The following ZNF766 variants were observed in gnomAD, a reference collection of about 807,000 sequenced individuals.
ZNF766 encodes the protein zinc finger protein 766.
A neutral mutation model predicts 13.2 loss-of-function variants in ZNF766; 13 were observed. The observed-to-expected ratio is 0.98, with a 90% confidence interval of 0.64 to 1.56. The LOEUF (loss-of-function observed/expected upper bound fraction) is 1.56. Among genes scored for constraint, ZNF766 ranks in the 40% most tolerant of loss-of-function variants. ZNF766 has a pLI of 0.00. For missense variants in ZNF766, 521 were observed against 552.2 expected, an observed-to-expected ratio of 0.94 and a Z score of 0.57; for synonymous variants, 178 against 187.6, an observed-to-expected ratio of 0.95 and a Z score of 0.42.
rs71254004 is a variant in ZNF766 at position 52,286,188 on chromosome 19, T to TCCCCCCCC, written c.274+2781_274+2782insCCCCCCCC. On this transcript the variant is annotated intron_variant, in intron 3 of 3. Transcript: ENST00000439461. ...GAAAGAAAGAATCCAAGTGGGCTTTTCCCCCCTAATTATAAAGGAAAAGCC... is the reference window on the plus strand; with the variant it reads ...GAAAGAAAGAATCCAAGTGGGCTTTTCCCCCCCCCCCCCCTAATTATAAAGGAAAAGCC... 2.3e-4 allele frequency among the ~76,000 whole-genome samples: 33 copies of TCCCCCCCC among 146,566 alleles called. 1 individual carries two copies. The East Asian group carries it at 3.6e-3, about 16-fold the overall frequency.
intron 1 of ZNF766, among the ~76,000 whole-genome samples, chr19:52,277,865 C>T (rs1981289963): frequency 6.6e-6 from 1 of 152,068 alleles, no homozygotes. Context: ...GATGCTCTGT[C>T]AGCTCTCTGT....
In ZNF766 at chr19:52,278,069, C is replaced by T. The variant is rs926817705; in HGVS notation, c.19-4042C>T. 2.0e-5 allele frequency among the ~76,000 whole-genome samples: 3 copies of T among 150,618 alleles called. No individual in the cohort carries two copies. The East Asian group carries it at 5.9e-4, about 30-fold the overall frequency. ...CTCACTGCAACCTCTACCTCCCAGGCTCAAGCAGTCCTCCCACCTCAGCCT... is the reference window on the plus strand; with the variant it reads ...CTCACTGCAACCTCTACCTCCCAGGTTCAAGCAGTCCTCCCACCTCAGCCT... On this transcript the variant is annotated intron_variant, in intron 1 of 3. Transcript: ENST00000439461.
chr19:52,276,756 C>T (rs1468327653), intron 1 of ZNF766, among the ~76,000 whole-genome samples: 1 of 152,176 alleles, frequency 6.6e-6, no homozygotes, highest in South Asian at 2.1e-4. Context: ...AGGGATTTTA[C>T]TGTATTCTGT....
rs143895258 is a variant in ZNF766 at position 52,293,620 on chromosome 19, TTTTG to T, written c.*2430_*2433del. Reference sequence around the variant, plus strand: ...ATTCTCTCTACTCTTTGTTTTTGTTTTTTGTTTGTTTTGTTTTGTTTTGAGATGG... The same window carrying T: ...ATTCTCTCTACTCTTTGTTTTTGTTTTTTGTTTTGTTTTGTTTTGAGATGG... On this transcript the variant is annotated 3_prime_UTR_variant, in exon 4 of 4. Transcript: ENST00000439461. 34,365 of 152,836 alleles carry T rather than the reference TTTTG, an allele frequency of 0.22. 4,064 individuals are homozygous for T. Among genetic ancestry groups the T allele is most frequent in the East Asian group, 0.41 (2,120 of 5,194 alleles). 9.5% of individuals were successfully genotyped at this position (152,836 alleles called of 1,614,324 possible).
In ZNF766 at chr19:52,290,285, G is replaced by A; in HGVS notation, c.494G>A (p.Arg165Lys). The A allele has an allele frequency of 1.2e-6, 2 of 1,613,764 alleles. No individual in the cohort carries two copies. Among genetic ancestry groups the A allele is most frequent in the South Asian group, 2.2e-5 (2 of 91,036 alleles). ...AAAACCCACATATTTAATAAACATA[G>A]GAATGATTTTGTTGATTTTCCATTG... ...GVKTHIFNKHRNDFVDFPLLS... is the reference protein window; with the variant it reads ...GVKTHIFNKHKNDFVDFPLLS... The change falls in exon 4 of 4, where the codon AGG becomes AAG. Residue 165 changes from arginine (R) to lysine (K), a missense_variant. Arg to Lys is a conservative substitution (Grantham distance 26). Coordinates refer to ENST00000439461, the MANE Select transcript of ZNF766 (RefSeq NM_001010851.3).
At position 52,277,587 on chromosome 19, in the gene ZNF766, T is replaced by C. The variant is rs915214489; in HGVS notation, c.19-4524T>C. ...GATTGTTCTGTTTCTTATTTCTTCC[T>C]GAAATGCCGGGTGCTGGAGTTGAGA... On this transcript the variant is annotated intron_variant, in intron 1 of 3. Transcript: ENST00000439461. 7 of 1,532,584 alleles carry C rather than the reference T, an allele frequency of 4.6e-6. No homozygotes were observed. In the African/African-American group the frequency reaches 9.6e-5, roughly 21 times the overall value. The allele number at this position is 1,532,584 out of a possible 1,614,324, so 94.9% of individuals were successfully genotyped here. A position where few individuals can be genotyped will look rare whatever the true frequency, so the allele number is the denominator to read the frequency against.
At chr19:52,269,832 G>T (rs985207644) in intron 1 of ZNF766, among the ~76,000 whole-genome samples, 1 of 152,182 alleles carries the variant, frequency 6.6e-6, no homozygotes, top group Non-Finnish European at 1.5e-5. Flanking sequence ...GGCTGCGTAG[G>T]CAGCTGCTTT....
chr19:52,272,061 A>G (rs1356066149), intron 1 of ZNF766, among the ~76,000 whole-genome samples: 1 of 151,360 alleles, frequency 6.6e-6, no homozygotes, highest in Non-Finnish European at 1.5e-5. Flanking sequence ...AAAATATTCT[A>G]TTAATTACAT....
chr19:52,294,873 A>G lies in ZNF766; in HGVS notation c.*3675A>G, dbSNP rs557841453. The G allele has an allele frequency of 2.6e-5, 4 of 152,154 alleles. No individual in the cohort carries two copies. Among genetic ancestry groups the G allele is most frequent in the African/African-American group, 7.2e-5 (3 of 41,546 alleles). The allele number at this position is 152,154 out of a possible 1,614,324, so 9.4% of individuals were successfully genotyped here. Reference sequence around the variant, plus strand: ...TTGAAAACACTTGTGAAATTTTTTTAGTAAAATTGCCTAAGATACTTTTTA... The same window carrying G: ...TTGAAAACACTTGTGAAATTTTTTTGGTAAAATTGCCTAAGATACTTTTTA... On this transcript the variant is annotated 3_prime_UTR_variant, in exon 4 of 4. Transcript: ENST00000439461.
At chr19:52,272,100 A>G (rs986815765) in intron 1 of ZNF766, among the ~76,000 whole-genome samples, 13 of 152,102 alleles carry the variant, frequency 8.5e-5, no homozygotes, top group African/African-American at 2.2e-4. Flanking sequence ...CCCCTCTTCA[A>G]CGCTCCATTT....
chr19:52,288,063 C>A (rs766239566), intron 3 of ZNF766: 18 of 407,094 alleles, frequency 4.4e-5, no homozygotes, highest in Non-Finnish European at 8.0e-5. Context: ...TTCTGTCGCC[C>A]AGGCTGGAGT....
intron 3 of ZNF766, among the ~76,000 whole-genome samples, chr19:52,287,187 G>A (rs1981875565): frequency 6.7e-6 from 1 of 149,748 alleles, no homozygotes. Context: ...CGGTCGCCCA[G>A]GCTGGAATGC....
chr19:52,271,031 C>A (rs1980951732), intron 1 of ZNF766, among the ~76,000 whole-genome samples: 1 of 152,124 alleles, frequency 6.6e-6, no homozygotes, highest in African/African-American at 2.4e-5. Context: ...GGTGATCTGC[C>A]CACCTCGGCC....
In ZNF766 at chr19:52,293,178, T is replaced by C. The variant is rs1982225465; in HGVS notation, c.*1980T>C. 6.7e-6 allele frequency: 1 copy of C among 150,202 alleles called. No homozygotes were observed. The highest frequency in any genetic ancestry group is 1.5e-5 in the Non-Finnish European group (1 of 67,436). 9.3% of individuals were successfully genotyped at this position (150,202 alleles called of 1,614,324 possible). On this transcript the variant is annotated 3_prime_UTR_variant, in exon 4 of 4. Coordinates refer to ENST00000439461, the MANE Select transcript of ZNF766 (RefSeq NM_001010851.3). ...TTTATGGCTGCATAGTATTCCTTTT[T>C]TTTTTTTTTTTTTGAGATGAAGTTT...
At chr19:52,281,553 G>A (rs56186790) in intron 1 of ZNF766, 32,328 of 314,348 alleles carry the variant, frequency 0.1, 1,935 homozygotes, top group Middle Eastern at 0.14. Flanking sequence ...TCACGTTAAT[G>A]AGTTAATGGC....
intron 1 of ZNF766, among the ~76,000 whole-genome samples, chr19:52,270,259 AAG>A (rs1179927520): frequency 6.6e-6 from 1 of 152,136 alleles, no homozygotes; most frequent in Non-Finnish European, 1.5e-5. Flanking sequence ...TGTGAAGTGA[AAG>A]AGAGATGGAG....
At position 52,291,118 on chromosome 19, in the gene ZNF766, G is replaced by A. The variant is rs1395015460; in HGVS notation, c.1327G>A (p.Val443Met). The change falls in exon 4 of 4, where the codon GTG (valine) becomes ATG (methionine). Residue 443 changes from valine to methionine, a missense_variant. Transcript: ENST00000439461. Reference protein sequence around the residue: ...HTGEKPYKCHVCGKVFRHSSW... With the variant: ...HTGEKPYKCHMCGKVFRHSSW... ...TGGAGAGAAACCTTACAAATGCCAT[G>A]TGTGTGGTAAGGTCTTTAGGCACAG... 19 of 1,614,062 alleles carry A rather than the reference G, an allele frequency of 1.2e-5. No homozygotes were observed. The highest frequency in any genetic ancestry group is 1.6e-5 in the Non-Finnish European group (19 of 1,179,924).
chr19:52,273,011 T>A (rs1205820062), intron 1 of ZNF766, among the ~76,000 whole-genome samples: 1 of 134,640 alleles, frequency 7.4e-6, no homozygotes, highest in Non-Finnish European at 1.6e-5. Flanking sequence ...GTAAATACAT[T>A]AATATATTTT....
rs190017488 is a variant in ZNF766 at position 52,294,965 on chromosome 19, A to G, written c.*3767A>G. ...TAATGTATTATATAATATGATTAAA[A>G]TATATTTGTTATAAATATGATATTA... On this transcript the variant is annotated 3_prime_UTR_variant, in exon 4 of 4. Coordinates refer to ENST00000439461, the MANE Select transcript of ZNF766 (RefSeq NM_001010851.3). 7.9e-5 allele frequency: 12 copies of G among 151,072 alleles called. No individual in the cohort carries two copies. The highest frequency in any genetic ancestry group is 2.9e-4 in the African/African-American group (12 of 41,340). The allele number at this position is 151,072 out of a possible 1,614,324, so 9.4% of individuals were successfully genotyped here. A position where few individuals can be genotyped will look rare whatever the true frequency, so the allele number is the denominator to read the frequency against.
Sources: allele counts gnomAD v4.1 joint callset (sites outside exome capture counted in the v4.1 genomes callset), GRCh38; gene constraint gnomAD v4.1.1; transcripts MANE v1.5; gene names NCBI Gene and HGNC (gene_info 2026-07-23, HGNC 2026-07-21).